The following ABCA3 variants were observed in gnomAD, a reference collection of about 807,000 sequenced individuals.
ABCA3 encodes ATP binding cassette subfamily A member 3.
ABCA3 carries 88 observed loss-of-function variants against 172.8 expected under a neutral mutation model. That is an observed-to-expected ratio of 0.51 (90% CI 0.43 to 0.61). The LOEUF is 0.61. Among genes scored for constraint, ABCA3 ranks in the 20% least tolerant of loss-of-function variants. The pLI is 0.00. For missense variants in ABCA3, 2,164 were observed against 2,301.0 expected, an observed-to-expected ratio of 0.94 and a Z score of 1.22; for synonymous variants, 1,066 against 983.8, an observed-to-expected ratio of 1.08 and a Z score of -1.56.
rs553777476 is a variant in ABCA3, at chr16:2,311,545, G to C, written c.1112-2922C>G. Among the ~76,000 whole-genome samples, 62 of 151,242 alleles carry C rather than the reference G, an allele frequency of 4.1e-4. 1 individual carries two copies. The highest frequency in any genetic ancestry group is 1.4e-3 in the African/African-American group (56 of 41,230). On this transcript the variant is annotated intron_variant, in intron 10 of 32. Coordinates refer to ENST00000301732, the MANE Select transcript of ABCA3 (RefSeq NM_001089.3). ...GGATTTTTTTTTTAATTTTTGGAGAGAGAGTCTCGCTCTGTCGCCCAGGCT... is the reference window on the plus strand; with the variant it reads ...GGATTTTTTTTTTAATTTTTGGAGACAGAGTCTCGCTCTGTCGCCCAGGCT...
chr16:2,323,718 C>T, intron 6 of ABCA3, 30 bp from the exon 7 acceptor site: 1 of 1,613,846 alleles, frequency 6.2e-7, no homozygotes, highest in Non-Finnish European at 8.5e-7. Context: ...ACCAGCTGTT[C>T]CGAGAGATCC....
intron 7 of ABCA3, 163 bp downstream of exon 7, chr16:2,323,360 G>A (rs886798752): frequency 1.8e-5 from 16 of 875,664 alleles, no homozygotes; most frequent in Admixed American, 1.4e-4. Flanking sequence ...GCACACGTAT[G>A]TTTATTGCGG....
At chr16:2,331,924 G>C (rs1217571788) in intron 1 of ABCA3, among the ~76,000 whole-genome samples, 1 of 152,184 alleles carries the variant, frequency 6.6e-6, no homozygotes, top group South Asian at 2.1e-4. Context: ...AGTCAGGAAA[G>C]GGAAGGCAAA....
In ABCA3 at chr16:2,285,665, G is replaced by T. The variant is rs1243021733; in HGVS notation, c.3279-19C>A. 2.6e-5 allele frequency: 41 copies of T among 1,550,998 alleles called. No individual in the cohort carries two copies. The highest frequency in any genetic ancestry group is 3.4e-5 in the Non-Finnish European group (39 of 1,146,860). On this transcript the variant is annotated intron_variant, in intron 22 of 32. Coordinates refer to ENST00000301732, the MANE Select transcript of ABCA3 (RefSeq NM_001089.3). This position sits in a 1 kb window ranked among gnomAD's most constrained non-coding sequence, Gnocchi z 4.7. ...CCGGCCCCTGCGGGGGACAGAGAAG[G>T]TCAGGGACGGAGCACAGCACGTCTG...
chr16:2,297,542 G>A lies in ABCA3; in HGVS notation c.2053-3C>T. 2 of 1,612,106 alleles carry A rather than the reference G, an allele frequency of 1.2e-6. No individual in the cohort carries two copies. The highest frequency in any genetic ancestry group is 2.2e-5 in the East Asian group (1 of 44,852). The stretch of plus-strand genomic sequence containing the variant: ...GTGGGCTCGTCCAGTATCAGCACCT[G>A]GAGGGAGAGACACAGTCTCGCGACG... On this transcript the variant is annotated splice_region_variant and splice_polypyrimidine_tract_variant and intron_variant, in intron 16 of 32. Transcript: ENST00000301732. This position sits in a 1 kb window ranked among gnomAD's most constrained non-coding sequence, Gnocchi z 5.6.
chr16:2,295,664 G>T lies in ABCA3; in HGVS notation c.2340C>A (p.His780Gln). Residue 780 changes from histidine (H) to glutamine (Q), a missense_variant, in exon 18 of 33, where the codon CAC (histidine) becomes CAA (glutamine). By Grantham distance (24) the His-to-Gln change is conservative. Transcript: ENST00000301732. ...PEDISQLVHH[H>Q]VPNATLESSA... ...TGCTCTCCAGCGTGGCGTTGGGCACGTGGTGGTGGACCAGCTGGGAGATGT... is the reference window on the plus strand; with the variant it reads ...TGCTCTCCAGCGTGGCGTTGGGCACTTGGTGGTGGACCAGCTGGGAGATGT... 6.2e-7 allele frequency: 1 copy of T among 1,614,076 alleles called. No individual in the cohort carries two copies. Among genetic ancestry groups the T allele is most frequent in the Non-Finnish European group, 8.5e-7 (1 of 1,180,054 alleles).
intron 20 of ABCA3, 100 bp from the exon 21 acceptor site, chr16:2,288,429 G>T: frequency 7.3e-7 from 1 of 1,370,036 alleles, no homozygotes. Context: ...ACGCCAGCCT[G>T]GGGGCCTGCA....
chr16:2,295,044 C>T (rs1032399994), intron 18 of ABCA3, among the ~76,000 whole-genome samples: 1 of 152,036 alleles, frequency 6.6e-6, no homozygotes, highest in Admixed American at 6.6e-5. Flanking sequence ...AAAAATCTGA[C>T]AAAATCAAAC....
intron 7 of ABCA3, among the ~76,000 whole-genome samples, chr16:2,322,154 C>T (rs969109787): frequency 2.7e-4 from 41 of 150,246 alleles, no homozygotes; most frequent in African/African-American, 5.2e-4. Context: ...GCCGAGGTCG[C>T]GCCACTGCAC....
chr16:2,332,614 A>G lies in ABCA3; in HGVS notation c.-538-2760T>C, dbSNP rs552705651. On this transcript the variant is annotated intron_variant, in intron 1 of 32. Coordinates refer to ENST00000301732, the MANE Select transcript of ABCA3 (RefSeq NM_001089.3). Reference sequence around the variant, plus strand: ...AACTGGCTCCAGCAGCTTGTACTGTAGCGTGGGCGGCTCAATCTTCTCCAG... The same window carrying G: ...AACTGGCTCCAGCAGCTTGTACTGTGGCGTGGGCGGCTCAATCTTCTCCAG... 1.2e-5 allele frequency: 19 copies of G among 1,581,444 alleles called. No individual in the cohort carries two copies. The Admixed American group carries it at 1.3e-4, about 11-fold the overall frequency.
intron 1 of ABCA3, among the ~76,000 whole-genome samples, chr16:2,336,630 G>C (rs2093752265): frequency 6.8e-6 from 1 of 147,386 alleles, no homozygotes; most frequent in Non-Finnish European, 1.5e-5. Flanking sequence ...TGTAGAGACG[G>C]GGTTTCACCA....
rs2093646164 is a variant in ABCA3 at position 2,276,252 on chromosome 16, A to T, written c.*422T>A. On this transcript the variant is annotated 3_prime_UTR_variant, in exon 33 of 33. Coordinates refer to ENST00000301732, the MANE Select transcript of ABCA3 (RefSeq NM_001089.3). ...GGCCTGGGGGCCTCGCTACAGTTCAACCTGGCTGGCTTCCCGCTTCCTCCC... is the reference window on the plus strand; with the variant it reads ...GGCCTGGGGGCCTCGCTACAGTTCATCCTGGCTGGCTTCCCGCTTCCTCCC... The T allele has an allele frequency of 2.2e-6, 1 of 455,942 alleles. No individual in the cohort carries two copies. Among genetic ancestry groups the T allele is most frequent in the South Asian group, 1.6e-5 (1 of 64,408 alleles). The allele number at this position is 455,942 out of a possible 1,614,324, so 28.2% of individuals were successfully genotyped here.
chr16:2,281,453 C>G lies in ABCA3; in HGVS notation c.4092G>C (p.Glu1364Asp). ...VLPEDQDVAD[E>D]RTRILAPSPD... ...GACTGGGGGCCAGGATGCGGGTCCT[C>G]TCGTCCGCTACATCTTGGTCCTCAG... Residue 1364 changes from glutamate to aspartate, a missense_variant, in exon 27 of 33, where the codon GAG becomes GAC. By Grantham distance (45) the Glu-to-Asp change is conservative. This residue lies in a region of ABCA3 where 795 missense variants were observed against 881.9 expected (regional missense o/e 0.90). Coordinates refer to ENST00000301732, the MANE Select transcript of ABCA3 (RefSeq NM_001089.3). This position sits in a 1 kb window ranked among gnomAD's most constrained non-coding sequence, Gnocchi z 4.7. The G allele has an allele frequency of 6.2e-7, 1 of 1,613,722 alleles. No individual in the cohort carries two copies. Among genetic ancestry groups the G allele is most frequent in the Non-Finnish European group, 8.5e-7 (1 of 1,180,010 alleles).
Position 2,285,671 on chromosome 16 carries a change from G to C in ABCA3, c.3279-25C>G, listed in dbSNP as rs1477880392. 8 of 1,550,664 alleles carry C rather than the reference G, an allele frequency of 5.2e-6. No individual in the cohort carries two copies. In the East Asian group the frequency reaches 2.0e-4, roughly 38 times the overall value. On this transcript the variant is annotated intron_variant, in intron 22 of 32. Coordinates refer to ENST00000301732, the MANE Select transcript of ABCA3 (RefSeq NM_001089.3). This position sits in a 1 kb window ranked among gnomAD's most constrained non-coding sequence, Gnocchi z 4.7. ...CCTGCGGGGGACAGAGAAGGTCAGG[G>C]ACGGAGCACAGCACGTCTGGGTGGC...
rs773409327 is a variant in ABCA3, at chr16:2,295,692, T to C, written c.2312A>G (p.Glu771Gly). The change falls in exon 18 of 33, where the codon GAA (glutamate) becomes GGA (glycine). Residue 771 changes from glutamate (E) to glycine (G), a missense_variant. Glu to Gly is a moderately conservative substitution (Grantham distance 98). Around this residue, in one of 3 missense-constraint regions of ABCA3, gnomAD observed 1,343 missense variants for 1,369.6 expected, o/e 0.98. Transcript: ENST00000301732. ...GTGGTGGACCAGCTGGGAGATGTCTTCCGGGTTGCAGTGCGGCTCCTTCAC... is the reference window on the plus strand; with the variant it reads ...GTGGTGGACCAGCTGGGAGATGTCTCCCGGGTTGCAGTGCGGCTCCTTCAC... ...TLVKEPHCNP[E>G]DISQLVHHHV... 2 of 1,614,036 alleles carry C rather than the reference T, an allele frequency of 1.2e-6. No individual in the cohort carries two copies. The highest frequency in any genetic ancestry group is 1.7e-6 in the Non-Finnish European group (2 of 1,180,034).
intron 12 of ABCA3, among the ~76,000 whole-genome samples, chr16:2,300,969 G>T (rs557821261): frequency 0.016 from 2,421 of 152,232 alleles, 30 homozygotes; most frequent in Middle Eastern, 0.088. Context: ...GGTGGCTCGA[G>T]CCTGTAATCC....
chr16:2,284,957 G>A lies in ABCA3; in HGVS notation c.3525C>T (p.Asp1175=), dbSNP rs752794136. The change falls in exon 24 of 33, where the codon GAC becomes GAT. Residue 1175 remains aspartate (D), a synonymous_variant. Coordinates refer to ENST00000301732, the MANE Select transcript of ABCA3 (RefSeq NM_001089.3). This position sits in a 1 kb window ranked among gnomAD's most constrained non-coding sequence, Gnocchi z 5.9. Reference sequence around the variant, plus strand: ...GCAGCAGGGTGTCAGCCATGTGGCCGTCCCGCGTGAAGGCACGCACGTCGA... The same window carrying A: ...GCAGCAGGGTGTCAGCCATGTGGCCATCCCGCGTGAAGGCACGCACGTCGA... ...KAFDVRAFTR[D]GHMADTLLLL... is the part of the protein sequence containing the mutation. 5.1e-5 allele frequency: 83 copies of A among 1,613,802 alleles called. No homozygotes were observed. The highest frequency in any genetic ancestry group is 6.2e-5 in the Non-Finnish European group (73 of 1,179,996).
chr16:2,308,358 A>T (rs1327188508), intron 11 of ABCA3, 92 bp downstream of exon 11: 3 of 1,509,026 alleles, frequency 2.0e-6, no homozygotes, highest in Non-Finnish European at 2.7e-6. Flanking sequence ...CAACCGTCCC[A>T]GGTGGAGCCT....
intron 6 of ABCA3, 24 bp from the exon 7 acceptor site, chr16:2,323,712 G>C: frequency 1.9e-6 from 3 of 1,614,014 alleles, no homozygotes; most frequent in Non-Finnish European, 2.5e-6. Flanking sequence ...GAGAAAACCA[G>C]CTGTTCCGAG....
Sources: gnomAD v4.1 joint callset for allele counts (sites outside exome capture counted in the v4.1 genomes callset) on GRCh38, gnomAD v4.1.1 for gene constraint, gnomAD v4.1.1 regional missense constraint, Gnocchi (gnomAD v3.1) non-coding constraint, MANE v1.5 for transcripts, NCBI Gene and HGNC (gene_info 2026-07-23, HGNC 2026-07-21) for gene names.